The following SUSD1 variants were observed in gnomAD, a reference collection of about 807,000 sequenced individuals.
SUSD1 encodes the protein sushi domain-containing protein 1.
In SUSD1, 65 loss-of-function variants were observed where a neutral mutation model predicts 86.9. The observed-to-expected ratio is 0.75, with a 90% CI of 0.61 to 0.92. SUSD1 has a LOEUF of 0.92. SUSD1 is among the 40% of genes least tolerant of loss of function. The probability of loss-of-function intolerance (pLI) is 0.00; values close to 1 mark genes in which losing one functional copy is unlikely to be tolerated. For missense variants in SUSD1, 850 were observed against 929.7 expected (o/e 0.91, Z 1.11); for synonymous variants, 346 against 350.0 (o/e 0.99, Z 0.13).
chr9:112,139,735 C>T (rs1427265405), intron 5 of SUSD1, among the ~76,000 whole-genome samples: 1 of 151,626 alleles, frequency 6.6e-6, no homozygotes, highest in East Asian at 1.9e-4. Context: ...TATATAATCA[C>T]CTGCCTAAAA....
chr9:112,174,243 T>C (rs73542613), intron 1 of SUSD1, among the ~76,000 whole-genome samples: 4,789 of 152,250 alleles, frequency 0.031, 181 homozygotes, highest in African/African-American at 0.077. Context: ...GATACCTTTT[T>C]CACATTTTCC....
intron 10 of SUSD1, among the ~76,000 whole-genome samples, chr9:112,096,303 T>C (rs1830393264): frequency 1.3e-5 from 2 of 152,142 alleles, no homozygotes; most frequent in African/African-American, 4.8e-5. Context: ...TCCATGACAT[T>C]CCTAGAATAT....
chr9:112,042,268 T>C (rs1827774971), intron 15 of SUSD1: 4 of 1,012,382 alleles, frequency 4.0e-6, no homozygotes, highest in Admixed American at 2.4e-5. Flanking sequence ...CATTTTTTGT[T>C]GGTCCTCTCA....
At chr9:112,143,934 T>C (rs568063323) in intron 3 of SUSD1, among the ~76,000 whole-genome samples, 1 of 152,182 alleles carries the variant, frequency 6.6e-6, no homozygotes, top group African/African-American at 2.4e-5. Context: ...AACATAAATA[T>C]ATCCAATCAC....
intron 5 of SUSD1, among the ~76,000 whole-genome samples, chr9:112,136,218 T>A (rs942870841): frequency 6.6e-6 from 1 of 152,214 alleles, no homozygotes; most frequent in African/African-American, 2.4e-5. Flanking sequence ...AATTGTTTTT[T>A]AATTTTTATT....
chr9:112,051,481 G>C (rs1356097211), intron 15 of SUSD1, among the ~76,000 whole-genome samples: 5 of 147,448 alleles, frequency 3.4e-5, no homozygotes, highest in African/African-American at 1.3e-4. Flanking sequence ...GCCCAGGCTG[G>C]AGTACAATGG....
Position 112,098,563 on chromosome 9 carries a change from G to A in SUSD1, c.1381C>T (p.Leu461=). 3 of 1,614,170 alleles carry A rather than the reference G, an allele frequency of 1.9e-6. No individual in the cohort carries two copies. The highest frequency in any genetic ancestry group is 2.5e-6 in the Non-Finnish European group (3 of 1,180,028). The change falls in exon 10 of 17, where the codon CTG becomes TTG. Residue 461 remains leucine (L), a synonymous_variant. Coordinates refer to ENST00000374270, the MANE Select transcript of SUSD1 (RefSeq NM_022486.5). ...REQVPVVCLD[L]YPTTDYTVNV... The stretch of plus-strand genomic sequence containing the variant: ...ACCGTATAATCAGTCGTAGGGTACA[G>A]ATCCAAACACACTACAGGCACTTGT...
intron 14 of SUSD1, among the ~76,000 whole-genome samples, chr9:112,053,404 A>G (rs2118911387): frequency 6.7e-6 from 1 of 150,004 alleles, no homozygotes; most frequent in South Asian, 2.1e-4. Context: ...ACTCCCAGCT[A>G]CTTGGAAGGC....
At chr9:112,044,030 C>A (rs1401657348) in intron 15 of SUSD1, among the ~76,000 whole-genome samples, 1 of 152,116 alleles carries the variant, frequency 6.6e-6, no homozygotes, top group Non-Finnish European at 1.5e-5. Flanking sequence ...GAACTCTTGA[C>A]CTCAGGCGAT....
rs143168706 is a variant in SUSD1 at position 112,095,496 on chromosome 9, G to T, written c.1474+2974C>A. On this transcript the variant is annotated intron_variant, in intron 10 of 16. Transcript: ENST00000374270. ...GTCTTGGAAATTCAATTCCAAGAAGGTAGGGCTTGGGCGAAATGCCACTAG... is the reference window on the plus strand; with the variant it reads ...GTCTTGGAAATTCAATTCCAAGAAGTTAGGGCTTGGGCGAAATGCCACTAG... Among the ~76,000 whole-genome samples the T allele has an allele frequency of 3.6e-3, 544 of 152,298 alleles. 2 individuals are homozygous for T. Among genetic ancestry groups the T allele is most frequent in the African/African-American group, 0.01 (427 of 41,556 alleles).
At position 112,170,457 on chromosome 9, in the gene SUSD1, C is replaced by T. The variant is rs12238285; in HGVS notation, c.103+4676G>A. Among the ~76,000 whole-genome samples the T allele has an allele frequency of 8.2e-3, 1,240 of 152,136 alleles. 27 individuals are homozygous for T. In the East Asian group the frequency reaches 0.089, roughly 11 times the overall value. On this transcript the variant is annotated intron_variant, in intron 1 of 16. Coordinates refer to ENST00000374270, the MANE Select transcript of SUSD1 (RefSeq NM_022486.5). ...TAAGAAACAGGACTAACTGGTTCTA[C>T]CCCTCCTCGCCCATTCCTACCCTCT...
intron 9 of SUSD1, among the ~76,000 whole-genome samples, chr9:112,100,507 A>G (rs991064495): frequency 2.0e-5 from 3 of 151,600 alleles, no homozygotes; most frequent in African/African-American, 7.3e-5. Flanking sequence ...ACTTTCTATG[A>G]CTCAGTATAA....
intron 8 of SUSD1, among the ~76,000 whole-genome samples, chr9:112,108,813 GAA>G (rs796550552): frequency 3.5e-4 from 34 of 98,516 alleles, no homozygotes; most frequent in African/African-American, 1.1e-3. Context: ...AAGAAAGAAA[GAA>G]AAAAAAAAAG....
At chr9:112,173,521 T>C (rs73540501) in intron 1 of SUSD1, 7,637 of 265,346 alleles carry the variant, frequency 0.029, 398 homozygotes, top group Admixed American at 0.1. Flanking sequence ...GACACAGATC[T>C]CTACTCTGAA....
At chr9:112,063,509 G>A (rs185987983) in intron 12 of SUSD1, among the ~76,000 whole-genome samples, 4 of 152,358 alleles carry the variant, frequency 2.6e-5, no homozygotes, top group Admixed American at 2.6e-4. Context: ...GAGGATAGAT[G>A]TGGTGAGTAT....
chr9:112,115,534 C>T (rs188472640), intron 6 of SUSD1, among the ~76,000 whole-genome samples: 9 of 152,172 alleles, frequency 5.9e-5, no homozygotes, highest in Non-Finnish European at 1.0e-4. Context: ...CAAGTGGGTG[C>T]GGTGGCTCAC....
In SUSD1 at chr9:112,078,664, T is replaced by C. The variant is rs758685065; in HGVS notation, c.1627A>G (p.Ile543Val). Residue 543 changes from isoleucine (I) to valine (V), a missense_variant, in exon 12 of 17, where the codon ATC becomes GTC. Transcript: ENST00000374270. ...TCGGGATCTCGGCTGCTGCTACTGA[T>C]ATTAAAGGTCATTTCCTGGGCAAAT... The part of the protein sequence containing the change: ...KEFAQEMTFN[I>V]SSSSRDPEVC... The C allele has an allele frequency of 1.9e-6, 3 of 1,614,050 alleles. No homozygotes were observed. The East Asian group carries it at 6.7e-5, about 36-fold the overall frequency.
chr9:112,123,714 C>T (rs1275962127), intron 6 of SUSD1, among the ~76,000 whole-genome samples: 2 of 151,972 alleles, frequency 1.3e-5, no homozygotes, highest in African/African-American at 4.8e-5. Context: ...GCAGGCGAAT[C>T]ACTTGGTCAC....
chr9:112,121,798 T>C (rs1670450915), intron 6 of SUSD1, among the ~76,000 whole-genome samples: 2 of 152,344 alleles, frequency 1.3e-5, no homozygotes, highest in South Asian at 4.1e-4. Flanking sequence ...CCAGGGACTA[T>C]GTGACAACCA....
Sources: gnomAD v4.1 joint callset for allele counts (sites outside exome capture counted in the v4.1 genomes callset) on GRCh38, gnomAD v4.1.1 for gene constraint, MANE v1.5 for transcripts, NCBI Gene and HGNC (gene_info 2026-07-23, HGNC 2026-07-21) for gene names.